GIMAP8: variants seen among roughly 807,000 people sequenced by gnomAD.
The protein encoded by GIMAP8 is GTPase IMAP family member 8.
GIMAP8 carries 29 observed loss-of-function variants against 35.6 expected under a neutral mutation model. The ratio of observed to expected loss-of-function variants is 0.81; its 90% confidence interval spans 0.61 to 1.11. The LOEUF (loss-of-function observed/expected upper bound fraction) is 1.11. Among genes scored for constraint, GIMAP8 ranks in the 50% most tolerant of loss-of-function variants. The pLI is 0.00. For missense variants in GIMAP8, 811 were observed against 805.0 expected, an observed-to-expected ratio of 1.01 and a Z score of -0.09; for synonymous variants, 335 against 308.7, an observed-to-expected ratio of 1.09 and a Z score of -0.89.
rs570703020 is a variant in GIMAP8, at chr7:150,474,493, C to T, written c.1164C>T (p.Leu388=). 1.9e-6 allele frequency: 3 copies of T among 1,613,898 alleles called. No individual in the cohort carries two copies. Among genetic ancestry groups the T allele is most frequent in the Admixed American group, 1.7e-5 (1 of 59,988 alleles). Residue 388 remains leucine (L), a synonymous_variant, in exon 4 of 5, where the codon CTC becomes CTT. Coordinates refer to ENST00000307271, the MANE Select transcript of GIMAP8 (RefSeq NM_175571.4). ...ACAGCAATAAAGCTCTCTATGGTCT[C>T]ATCCAGAAGTGTAAAAACAGATATA... ...LRNSNKALYG[L]IQKCKNRYSA...
At chr7:150,454,355 C>T (rs2116584035) in intron 1 of GIMAP8, among the ~76,000 whole-genome samples, 1 of 152,138 alleles carries the variant, frequency 6.6e-6, no homozygotes, top group African/African-American at 2.4e-5. Context: ...CAATAGACAG[C>T]TGGAGAAGGG....
At chr7:150,458,331 A>G (rs1410177698) in intron 1 of GIMAP8, among the ~76,000 whole-genome samples, 1 of 152,180 alleles carries the variant, frequency 6.6e-6, no homozygotes, top group Non-Finnish European at 1.5e-5. Context: ...ATGAAGTCCA[A>G]AGGCCATCTG....
chr7:150,452,685 T>TATATATAG (rs1801641854), intron 1 of GIMAP8, among the ~76,000 whole-genome samples: 1 of 99,450 alleles, frequency 1.0e-5, no homozygotes, highest in African/African-American at 3.7e-5. Flanking sequence ...GATATATATA[T>TATATATAG]ATATATATAT....
At chr7:150,466,609 C>T (rs569404840) in intron 1 of GIMAP8, 62 bp from the exon 2 acceptor site, 2 of 1,398,402 alleles carry the variant, frequency 1.4e-6, no homozygotes, top group South Asian at 1.4e-5. Context: ...TCTTTTCTTG[C>T]TGTTTTCCTG....
chr7:150,473,541 C>T (rs929411634), intron 3 of GIMAP8, among the ~76,000 whole-genome samples: 5 of 148,446 alleles, frequency 3.4e-5, no homozygotes, highest in African/African-American at 5.0e-5. Flanking sequence ...TTTTACTTAG[C>T]GTGTTTTTTT....
intron 1 of GIMAP8, among the ~76,000 whole-genome samples, chr7:150,460,872 T>C (rs1278617617): frequency 6.6e-6 from 1 of 152,266 alleles, no homozygotes. Flanking sequence ...CTTTACTGTA[T>C]ACTCAGGTTG....
Position 150,469,823 on chromosome 7 carries a change from G to A in GIMAP8, c.637-1006G>A, listed in dbSNP as rs377484142. ...AAGATTGATCAATGAAAAGATGGTTGCATCAGTTACGCATGTCCGTACTAT... is the reference window on the plus strand; with the variant it reads ...AAGATTGATCAATGAAAAGATGGTTACATCAGTTACGCATGTCCGTACTAT... On this transcript the variant is annotated intron_variant, in intron 2 of 4. Transcript: ENST00000307271. 4.6e-5 allele frequency among the ~76,000 whole-genome samples: 7 copies of A among 152,162 alleles called. No individual in the cohort carries two copies. In the South Asian group the frequency reaches 1.2e-3, roughly 27 times the overall value.
At chr7:150,454,937 G>A (rs1406797157) in intron 1 of GIMAP8, among the ~76,000 whole-genome samples, 3 of 151,956 alleles carry the variant, frequency 2.0e-5, no homozygotes, top group Non-Finnish European at 1.5e-5. Context: ...TTGGGAGTTC[G>A]AGACCAGCCT....
rs774971235 is a variant in GIMAP8, at chr7:150,474,275, G to A, written c.946G>A (p.Val316Ile). ...ATCTTTAAAGAACATTGACTCAGAA[G>A]TTAGAAAACACATCTGTACAGGCCC... ...ISSLKNIDSE[V>I]RKHICTGPHA... Residue 316 changes from valine (V) to isoleucine (I), a missense_variant, in exon 4 of 5, where the codon GTT becomes ATT. Physicochemically the swap from Val to Ile is conservative, Grantham distance 29. Transcript: ENST00000307271. 24 of 1,614,036 alleles carry A rather than the reference G, an allele frequency of 1.5e-5. No individual in the cohort carries two copies. The highest frequency in any genetic ancestry group is 1.7e-5 in the Non-Finnish European group (20 of 1,180,006).
intron 1 of GIMAP8, among the ~76,000 whole-genome samples, chr7:150,458,141 G>GGTGT (rs139322450): frequency 8.0e-5 from 12 of 150,756 alleles, no homozygotes; most frequent in African/African-American, 1.9e-4. Context: ...TGATGTGTGT[G>GGTGT]GTGTGTGTGT....
intron 3 of GIMAP8, among the ~76,000 whole-genome samples, chr7:150,473,706 G>T (rs1215058511): frequency 6.6e-6 from 1 of 151,378 alleles, no homozygotes; most frequent in Admixed American, 6.6e-5. Context: ...CCTTTGGTAG[G>T]CCCCAGTACT....
chr7:150,465,379 G>A (rs918987032), intron 1 of GIMAP8, among the ~76,000 whole-genome samples: 6 of 152,176 alleles, frequency 3.9e-5, no homozygotes, highest in African/African-American at 1.4e-4. Context: ...GTAACCCTGT[G>A]TGGGAATCAC....
rs1191777499 is a variant in GIMAP8, at chr7:150,450,855, T to A, written c.-349T>A. The A allele has an allele frequency of 3.3e-5, 5 of 152,816 alleles. No individual in the cohort carries two copies. The highest frequency in any genetic ancestry group is 7.3e-5 in the Non-Finnish European group (5 of 68,442). The allele number at this position is 152,816 out of a possible 1,614,324, so 9.5% of individuals were successfully genotyped here. Reference sequence around the variant, plus strand: ...GGGACGGGCCGGGCTCCTCAGTTTCTGCTGTGTTGTGACCCCACGAGGCGC... The same window carrying A: ...GGGACGGGCCGGGCTCCTCAGTTTCAGCTGTGTTGTGACCCCACGAGGCGC... On this transcript the variant is annotated 5_prime_UTR_variant, in exon 1 of 5. Coordinates refer to ENST00000307271, the MANE Select transcript of GIMAP8 (RefSeq NM_175571.4). The surrounding 1 kb of genome is among the most constrained non-coding windows in gnomAD (Gnocchi z 4.4).
chr7:150,474,490 T>G lies in GIMAP8; in HGVS notation c.1161T>G (p.Gly387=). 1 of 1,613,878 alleles carries G rather than the reference T, an allele frequency of 6.2e-7. No homozygotes were observed. The highest frequency in any genetic ancestry group is 8.5e-7 in the Non-Finnish European group (1 of 1,179,892). ...FLRNSNKALY[G]LIQKCKNRYS... is the part of the protein sequence containing the mutation. ...GAAACAGCAATAAAGCTCTCTATGG[T>G]CTCATCCAGAAGTGTAAAAACAGAT... Residue 387 remains glycine (G), a synonymous_variant, in exon 4 of 5, where the codon GGT becomes GGG. Coordinates refer to ENST00000307271, the MANE Select transcript of GIMAP8 (RefSeq NM_175571.4).
At position 150,455,403 on chromosome 7, in the gene GIMAP8, G is replaced by C. The variant is rs1266876188; in HGVS notation, c.-29+4228G>C. 2.6e-5 allele frequency among the ~76,000 whole-genome samples: 4 copies of C among 152,328 alleles called. No homozygotes were observed. In the East Asian group the frequency reaches 7.7e-4, roughly 29 times the overall value. On this transcript the variant is annotated intron_variant, in intron 1 of 4. Coordinates refer to ENST00000307271, the MANE Select transcript of GIMAP8 (RefSeq NM_175571.4). ...TCAGTTAACTAAGACTTATTTTAAA[G>C]TTATACTAAAGTTACAGGAGTTAAG... is the stretch of plus-strand genomic sequence containing the variant.
At chr7:150,470,598 T>C (rs1802065375) in intron 2 of GIMAP8, among the ~76,000 whole-genome samples, 1 of 152,046 alleles carries the variant, frequency 6.6e-6, no homozygotes, top group Non-Finnish European at 1.5e-5. Context: ...CATCACCTTC[T>C]CCGAGAACCA....
intron 2 of GIMAP8, among the ~76,000 whole-genome samples, chr7:150,469,482 T>C (rs1212412274): frequency 1.3e-5 from 2 of 152,236 alleles, no homozygotes; most frequent in African/African-American, 4.8e-5. Flanking sequence ...TTTTGTCTTC[T>C]GTAAAGCAGA....
At chr7:150,456,783 CA>C (rs1157151058) in intron 1 of GIMAP8, among the ~76,000 whole-genome samples, 3 of 152,080 alleles carry the variant, frequency 2.0e-5, no homozygotes, top group Non-Finnish European at 2.9e-5. Flanking sequence ...TCATTTTTTT[CA>C]ATATGGAAAA....
chr7:150,455,473 A>C (rs1260295276), intron 1 of GIMAP8, among the ~76,000 whole-genome samples: 1 of 152,224 alleles, frequency 6.6e-6, no homozygotes, highest in Admixed American at 6.5e-5. Flanking sequence ...TCAGGAATAC[A>C]CTAAAAGTCC....
Sources: gnomAD v4.1 joint callset for allele counts (sites outside exome capture counted in the v4.1 genomes callset) on GRCh38, gnomAD v4.1.1 for gene constraint, Gnocchi (gnomAD v3.1) non-coding constraint, MANE v1.5 for transcripts, NCBI Gene and HGNC (gene_info 2026-07-23, HGNC 2026-07-21) for gene names.